The following PSD3 variants were observed in gnomAD, a reference collection of about 807,000 sequenced individuals.
PSD3 encodes pleckstrin and Sec7 domain containing 3, also known as PH and SEC7 domain-containing protein 3.
PSD3 carries 49 observed loss-of-function variants against 105.5 expected under a neutral mutation model. The observed-to-expected ratio is 0.46, with a 90% confidence interval of 0.37 to 0.59. The LOEUF (loss-of-function observed/expected upper bound fraction) is 0.59. Among genes scored for constraint, PSD3 ranks in the 20% least tolerant of loss-of-function variants. The probability of loss-of-function intolerance (pLI) is 0.00; values close to 1 mark genes in which losing one functional copy is unlikely to be tolerated. For missense variants in PSD3, 1,561 were observed against 1,263.8 expected (o/e 1.24, Z -3.57); for synonymous variants, 557 against 457.8 (o/e 1.22, Z -2.77).
intron 1 of PSD3, among the ~76,000 whole-genome samples, chr8:19,064,978 T>C (rs576172611): frequency 2.0e-5 from 3 of 152,170 alleles, no homozygotes; most frequent in Non-Finnish European, 4.4e-5. Context: ...GAGTCATTCA[T>C]GCTAAGTGCC....
At chr8:18,809,840 C>T (rs1373098922) in intron 4 of PSD3, among the ~76,000 whole-genome samples, 1 of 151,434 alleles carries the variant, frequency 6.6e-6, no homozygotes, top group Non-Finnish European at 1.5e-5. Flanking sequence ...TCTTCTCTAA[C>T]GTCCTCTAAA....
chr8:18,730,863 A>T (rs184290911), intron 9 of PSD3, among the ~76,000 whole-genome samples: 224 of 152,330 alleles, frequency 1.5e-3, no homozygotes, highest in Non-Finnish European at 2.3e-3. Context: ...TGAACAAATA[A>T]ATAGCCGATA....
intron 9 of PSD3, among the ~76,000 whole-genome samples, chr8:18,765,078 G>C (rs1045863870): frequency 1.3e-5 from 2 of 152,104 alleles, no homozygotes; most frequent in East Asian, 3.9e-4. Flanking sequence ...AACACAGTTG[G>C]AACTGTTTCC....
At chr8:18,845,145 A>G (rs1814981495) in intron 4 of PSD3, among the ~76,000 whole-genome samples, 1 of 152,274 alleles carries the variant, frequency 6.6e-6, no homozygotes. Context: ...TTGCTTTGAA[A>G]GTAAAAAGAA....
intron 10 of PSD3, among the ~76,000 whole-genome samples, chr8:18,638,362 T>A (rs1243333960): frequency 6.6e-6 from 1 of 151,038 alleles, no homozygotes; most frequent in Non-Finnish European, 1.5e-5. Context: ...TCTCTGATGC[T>A]GACATAATCT....
intron 9 of PSD3, among the ~76,000 whole-genome samples, chr8:18,693,962 A>T (rs368146937): frequency 1.6e-4 from 25 of 152,340 alleles, no homozygotes; most frequent in African/African-American, 6.0e-4. Context: ...CTGATAGGTA[A>T]GTAGTGATGA....
At chr8:18,610,794 G>A (rs1585381073) in intron 11 of PSD3, among the ~76,000 whole-genome samples, 1 of 151,946 alleles carries the variant, frequency 6.6e-6, no homozygotes, top group African/African-American at 2.4e-5. Context: ...CCTATAAGAG[G>A]TCTCAAGACT....
intron 10 of PSD3, among the ~76,000 whole-genome samples, chr8:18,640,314 C>T (rs1807552119): frequency 2.0e-5 from 3 of 152,090 alleles, no homozygotes; most frequent in Admixed American, 1.3e-4. Context: ...ACCATGCAAA[C>T]CCTCCACAAC....
At chr8:18,651,017 T>C (rs1321232631) in intron 10 of PSD3, among the ~76,000 whole-genome samples, 1 of 152,160 alleles carries the variant, frequency 6.6e-6, no homozygotes, top group Non-Finnish European at 1.5e-5. Flanking sequence ...ATATATAAAG[T>C]AACAACAATG....
intron 1 of PSD3, among the ~76,000 whole-genome samples, chr8:19,068,410 C>T (rs777699223): frequency 6.6e-6 from 1 of 152,030 alleles, no homozygotes. Context: ...CTGCCCCAGC[C>T]TCCTGACAAG....
At chr8:18,548,999 C>G (rs752396025) in intron 15 of PSD3, among the ~76,000 whole-genome samples, 1 of 152,076 alleles carries the variant, frequency 6.6e-6, no homozygotes, top group Non-Finnish European at 1.5e-5. Context: ...TAGGCAGCAT[C>G]CTACACGTCT....
upstream of PSD3, among the ~76,000 whole-genome samples, chr8:19,017,619 A>C (rs1321374191): frequency 6.6e-6 from 1 of 152,122 alleles, no homozygotes; most frequent in Non-Finnish European, 1.5e-5. Flanking sequence ...GTTTCTACAG[A>C]TTTGCCTATT....
intron 11 of PSD3, among the ~76,000 whole-genome samples, chr8:18,617,489 C>T (rs1356597106): frequency 6.6e-6 from 1 of 152,188 alleles, no homozygotes; most frequent in Non-Finnish European, 1.5e-5. Context: ...CGAGATTGCA[C>T]CATTGCACTC....
At chr8:18,985,901 A>G (rs1825475419) in intron 1 of PSD3, among the ~76,000 whole-genome samples, 1 of 151,914 alleles carries the variant, frequency 6.6e-6, no homozygotes, top group African/African-American at 2.4e-5. Context: ...AATTAATAGT[A>G]TTATATTATA....
intron 14 of PSD3, among the ~76,000 whole-genome samples, chr8:18,559,463 G>C (rs1404444389): frequency 1.3e-5 from 2 of 152,056 alleles, no homozygotes; most frequent in Admixed American, 6.6e-5. Flanking sequence ...TTAAAAAATA[G>C]ATTTGTATCA....
chr8:18,603,495 G>C (rs1300589499), intron 11 of PSD3, among the ~76,000 whole-genome samples: 1 of 152,018 alleles, frequency 6.6e-6, no homozygotes, highest in Admixed American at 6.5e-5. Context: ...ATTTTTGTTT[G>C]TATAATAAAT....
chr8:18,785,825 G>C (rs1390246412), intron 8 of PSD3, among the ~76,000 whole-genome samples: 3 of 152,184 alleles, frequency 2.0e-5, no homozygotes, highest in Non-Finnish European at 2.9e-5. Context: ...TCAGGGAATA[G>C]GGAGGCCTGA....
At chr8:18,724,378 A>T (rs773848456) in intron 9 of PSD3, among the ~76,000 whole-genome samples, 49 of 152,290 alleles carry the variant, frequency 3.2e-4, no homozygotes, top group Non-Finnish European at 4.9e-4. Flanking sequence ...TTGGTAGGTC[A>T]GGGCAGGAGC....
chr8:18,693,221 C>T (rs1042466825), intron 9 of PSD3, among the ~76,000 whole-genome samples: 3 of 152,172 alleles, frequency 2.0e-5, no homozygotes, highest in Non-Finnish European at 2.9e-5. Context: ...TTGACACATA[C>T]GACCTTAAAT....
Sources: gnomAD v4.1 joint callset for allele counts (sites outside exome capture counted in the v4.1 genomes callset) on GRCh38, gnomAD v4.1.1 for gene constraint, MANE v1.5 for transcripts, NCBI Gene and HGNC (gene_info 2026-07-23, HGNC 2026-07-21) for gene names.